Variants in ACYP2 observed in about 807,000 individuals in gnomAD.
ACYP2 encodes acylphosphatase 2.
In ACYP2, 12 loss-of-function variants were observed where a neutral mutation model predicts 11.2. That is an observed-to-expected ratio of 1.08 (90% CI 0.69 to 1.74). ACYP2 has a LOEUF of 1.74. ACYP2 is among the 40% of genes most tolerant of loss of function. The pLI is 0.00. For synonymous variants in ACYP2, 43 were observed against 32.2 expected, an observed-to-expected ratio of 1.33 and a Z score of -1.13; for missense variants, 134 against 101.9, an observed-to-expected ratio of 1.31 and a Z score of -1.35.
At chr2:54,255,892 C>A in intron 6 of ACYP2, 1 of 1,614,076 alleles carries the variant, frequency 6.2e-7, no homozygotes. Context: ...CACTTCCTGC[C>A]CCGCTTTGAT....
chr2:54,055,716 G>A (rs912545788), intron 3 of ACYP2, among the ~76,000 whole-genome samples: 2 of 152,144 alleles, frequency 1.3e-5, no homozygotes, highest in Non-Finnish European at 2.9e-5. Flanking sequence ...GACATATTAA[G>A]CCTATCTGCT....
chr2:54,019,854 A>T (rs1262437105), intron 2 of ACYP2, among the ~76,000 whole-genome samples: 1 of 151,724 alleles, frequency 6.6e-6, no homozygotes, highest in African/African-American at 2.4e-5. Flanking sequence ...TCCTGGCCTC[A>T]GGTGATCCAC....
intron 4 of ACYP2, among the ~76,000 whole-genome samples, chr2:54,094,441 C>G (rs1190671312): frequency 1.3e-5 from 2 of 151,844 alleles, no homozygotes; most frequent in African/African-American, 4.8e-5. Flanking sequence ...GTTTGCCAGG[C>G]TGGTCTCGAA....
chr2:54,123,164 A>T (rs554765889), intron 4 of ACYP2: 1 of 391,664 alleles, frequency 2.6e-6, no homozygotes, highest in African/African-American at 2.1e-5. Context: ...GCAGGGTAGA[A>T]AGTAGCCAGG....
chr2:54,282,789 T>C (rs1412669210), intron 6 of ACYP2, among the ~76,000 whole-genome samples: 1 of 152,194 alleles, frequency 6.6e-6, no homozygotes, highest in Non-Finnish European at 1.5e-5. Flanking sequence ...AATTAAATGC[T>C]GATTATCCTC....
rs1052446555 is a variant in ACYP2 at position 54,026,398 on chromosome 2, TA to T, written c.63-24550del. The stretch of plus-strand genomic sequence containing the variant: ...AGCAACAATAACCATAATTAAAAAA[TA>T]AAAAAAAAATAGATGTTGGCATGAA... On this transcript the variant is annotated intron_variant, in intron 2 of 6. Transcript: ENST00000607452. 2.0e-3 allele frequency among the ~76,000 whole-genome samples: 289 copies of T among 146,608 alleles called. 1 individual carries two copies. The highest frequency in any genetic ancestry group is 6.1e-3 in the African/African-American group (244 of 39,936).
chr2:54,125,843 G>T (rs965202316), intron 4 of ACYP2, among the ~76,000 whole-genome samples: 1 of 151,890 alleles, frequency 6.6e-6, no homozygotes, highest in Admixed American at 6.6e-5. Flanking sequence ...GCACTTTGGG[G>T]GGCCGAGGTG....
At chr2:53,990,857 C>T (rs550669681) in intron 2 of ACYP2, among the ~76,000 whole-genome samples, 20 of 151,138 alleles carry the variant, frequency 1.3e-4, no homozygotes, top group East Asian at 6.0e-4. Context: ...AGTGCGGTGG[C>T]GCGATCTCGG....
chr2:54,039,294 CT>C (rs1192548737), intron 2 of ACYP2, among the ~76,000 whole-genome samples: 1 of 98,446 alleles, frequency 1.0e-5, no homozygotes. Context: ...TTTCTTTTTC[CT>C]TTTTTTTGGC....
At chr2:54,069,965 ACTT>A (rs1301523749) in intron 4 of ACYP2, among the ~76,000 whole-genome samples, 1 of 152,210 alleles carries the variant, frequency 6.6e-6, no homozygotes, top group African/African-American at 2.4e-5. Context: ...AAGATGTTTT[ACTT>A]CTTAAGAAAA....
intron 4 of ACYP2, among the ~76,000 whole-genome samples, chr2:54,074,802 A>G (rs1677241805): frequency 6.6e-6 from 1 of 152,188 alleles, no homozygotes; most frequent in South Asian, 2.1e-4. Flanking sequence ...TGCGGTCTAA[A>G]GGCTGCAGAA....
intron 6 of ACYP2, chr2:54,142,017 T>A (rs1203863542): frequency 3.7e-5 from 15 of 400,010 alleles, no homozygotes; most frequent in Non-Finnish European, 5.3e-5. Flanking sequence ...GTGTGTATAT[T>A]TTGTTGTTGT....
At chr2:54,183,960 G>A (rs150571993) in intron 6 of ACYP2, among the ~76,000 whole-genome samples, 117 of 152,260 alleles carry the variant, frequency 7.7e-4, no homozygotes, top group African/African-American at 2.3e-3. Context: ...AGAGTAATGC[G>A]AGTTATTTCT....
At chr2:53,991,664 CAA>C (rs1672302941) in intron 2 of ACYP2, among the ~76,000 whole-genome samples, 1 of 152,138 alleles carries the variant, frequency 6.6e-6, no homozygotes, top group South Asian at 2.1e-4. Flanking sequence ...CTCAGTCTCC[CAA>C]AGTGTTGGGG....
chr2:54,176,010 C>T (rs941502010), intron 6 of ACYP2, among the ~76,000 whole-genome samples: 1 of 152,102 alleles, frequency 6.6e-6, no homozygotes, highest in African/African-American at 2.4e-5. Flanking sequence ...ATTGAAGGCA[C>T]CATCCATGAG....
chr2:54,258,155 A>G (rs1425100857), intron 6 of ACYP2, among the ~76,000 whole-genome samples: 2 of 152,230 alleles, frequency 1.3e-5, no homozygotes, highest in East Asian at 3.8e-4. Context: ...AGAAACCAAT[A>G]TTGCACATTA....
intron 6 of ACYP2, among the ~76,000 whole-genome samples, chr2:54,302,920 A>T (rs1442187223): frequency 1.3e-5 from 2 of 152,188 alleles, no homozygotes; most frequent in East Asian, 3.8e-4. Context: ...CACTCTGCTA[A>T]CCACCCTGTG....
Position 53,973,797 on chromosome 2 carries a change from G to A in ACYP2, c.49G>A (p.Glu17Lys), listed in dbSNP as rs1230330956. The change falls in exon 2 of 7, where the codon GAG becomes AAG. Residue 17 changes from glutamate (E) to lysine (K), a missense_variant. Coordinates refer to ENST00000607452, the MANE Select transcript of ACYP2 (RefSeq NM_001320586.2). The stretch of plus-strand genomic sequence containing the variant: ...TGGTGGTCTCTTCCCACGGACGCGC[G>A]AGACAATGAGGAGGTACTTGGAATA... 6.1e-6 allele frequency: 2 copies of A among 329,592 alleles called. No individual in the cohort carries two copies. The highest frequency in any genetic ancestry group is 2.2e-5 in the African/African-American group (1 of 46,452). The allele number at this position is 329,592 out of a possible 1,614,324, so 20.4% of individuals were successfully genotyped here. A position where few individuals can be genotyped will look rare whatever the true frequency, so the allele number is the denominator to read the frequency against.
intron 4 of ACYP2, among the ~76,000 whole-genome samples, chr2:54,065,015 C>G (rs192257452): frequency 6.6e-6 from 1 of 151,942 alleles, no homozygotes; most frequent in African/African-American, 2.4e-5. Context: ...ACCCAGGAGG[C>G]GAAGTTTGCA....
Sources: gnomAD v4.1 joint callset for allele counts (sites outside exome capture counted in the v4.1 genomes callset) on GRCh38, gnomAD v4.1.1 for gene constraint, MANE v1.5 for transcripts, NCBI Gene and HGNC (gene_info 2026-07-23, HGNC 2026-07-21) for gene names.